RAPGEF5: variants seen among roughly 807,000 people sequenced by gnomAD.
The protein encoded by RAPGEF5 is Rap guanine nucleotide exchange factor 5.
Under a neutral mutation model 125.2 loss-of-function variants are expected in RAPGEF5, and 65 were observed. The ratio of observed to expected loss-of-function variants is 0.52; its 90% CI spans 0.43 to 0.64. The LOEUF is 0.64. Among genes scored for constraint, RAPGEF5 ranks in the 30% least tolerant of loss-of-function variants. The pLI, the probability that RAPGEF5 is intolerant of heterozygous loss-of-function variation, is 0.00. For missense variants in RAPGEF5, 958 were observed against 1,048.1 expected, an observed-to-expected ratio of 0.91 and a Z score of 1.19; for synonymous variants, 391 against 385.9, an observed-to-expected ratio of 1.01 and a Z score of -0.16.
At chr7:22,243,526 G>A (rs1786394485) in intron 7 of RAPGEF5, among the ~76,000 whole-genome samples, 1 of 152,068 alleles carries the variant, frequency 6.6e-6, no homozygotes, top group African/African-American at 2.4e-5. Context: ...AAAGTGCTAG[G>A]ATTACAGGCA....
At chr7:22,168,127 C>T (rs984115476) in intron 11 of RAPGEF5, among the ~76,000 whole-genome samples, 1 of 152,034 alleles carries the variant, frequency 6.6e-6, no homozygotes, top group African/African-American at 2.4e-5. Context: ...ATGCTTATGT[C>T]CTTTGCAACA....
At chr7:22,209,436 T>C (rs1785461823) in intron 9 of RAPGEF5, among the ~76,000 whole-genome samples, 1 of 152,206 alleles carries the variant, frequency 6.6e-6, no homozygotes, top group South Asian at 2.1e-4. Flanking sequence ...CCTACAGTTT[T>C]TACTTACATA....
In RAPGEF5 at chr7:22,238,703, A is replaced by T. The variant is rs60237725; in HGVS notation, c.797-7784T>A. Among the ~76,000 whole-genome samples the T allele has an allele frequency of 3.9e-5, 6 of 152,356 alleles. No individual in the cohort carries two copies. In the East Asian group the frequency reaches 1.2e-3, roughly 29 times the overall value. The stretch of plus-strand genomic sequence containing the variant: ...TTGACAGTTATATGATTCTTCATTT[A>T]AAAAATGAGTTAAATGGGAGCATAT... On this transcript the variant is annotated intron_variant, in intron 7 of 25. Transcript: ENST00000665637.
chr7:22,164,479 C>T (rs1784101208), intron 12 of RAPGEF5, among the ~76,000 whole-genome samples: 2 of 152,046 alleles, frequency 1.3e-5, no homozygotes, highest in African/African-American at 4.8e-5. Flanking sequence ...AAGATATGAA[C>T]TTTGTAGTCA....
chr7:22,333,842 C>A lies in RAPGEF5; in HGVS notation c.232-15805G>T, dbSNP rs144988421. Among the ~76,000 whole-genome samples, 65 of 146,476 alleles carry A rather than the reference C, an allele frequency of 4.4e-4. 1 individual carries two copies. The East Asian group carries it at 0.013, about 30-fold the overall frequency. ...GCTCTTGTGCTGGCACCCAGAGAAA[C>A]AGAGAGAGAACCAGAGCTGTCTGTC... On this transcript the variant is annotated intron_variant, in intron 1 of 25. Transcript: ENST00000665637.
intron 2 of RAPGEF5, among the ~76,000 whole-genome samples, chr7:22,316,289 C>T (rs1332760439): frequency 2.6e-5 from 4 of 151,206 alleles, no homozygotes; most frequent in African/African-American, 9.7e-5. Context: ...TAATATATTA[C>T]TGGGGGTACA....
chr7:22,177,648 C>A (rs1457413363), intron 11 of RAPGEF5, among the ~76,000 whole-genome samples: 1 of 152,248 alleles, frequency 6.6e-6, no homozygotes, highest in Non-Finnish European at 1.5e-5. Context: ...GCTTTACCTA[C>A]ATGGCCTGCG....
intron 7 of RAPGEF5, among the ~76,000 whole-genome samples, chr7:22,231,148 T>G (rs1390127795): frequency 6.6e-6 from 1 of 152,230 alleles, no homozygotes; most frequent in Non-Finnish European, 1.5e-5. Context: ...AATTCAATCT[T>G]AATTCTGTTC....
At chr7:22,282,428 A>G (rs984018435) in intron 6 of RAPGEF5, among the ~76,000 whole-genome samples, 6 of 152,202 alleles carry the variant, frequency 3.9e-5, no homozygotes, top group African/African-American at 1.4e-4. Flanking sequence ...CATTTCATAA[A>G]ATCCTTCAAA....
intron 5 of RAPGEF5, among the ~76,000 whole-genome samples, chr7:22,295,722 A>G (rs189228477): frequency 2.0e-3 from 310 of 152,270 alleles, no homozygotes; most frequent in African/African-American, 6.3e-3. Context: ...TGCCAATACA[A>G]ATCTTATGCC....
At chr7:22,265,219 C>T (rs539330971) in intron 7 of RAPGEF5, among the ~76,000 whole-genome samples, 1 of 151,958 alleles carries the variant, frequency 6.6e-6, no homozygotes, top group Non-Finnish European at 1.5e-5. Context: ...GAATTTACTC[C>T]GTCTAACTAT....
chr7:22,291,064 G>A, intron 6 of RAPGEF5, 111 bp downstream of exon 6: 1 of 1,246,862 alleles, frequency 8.0e-7, no homozygotes, highest in Admixed American at 3.2e-5. Flanking sequence ...CCACAATGAT[G>A]AGCAGCCACA....
intron 8 of RAPGEF5, among the ~76,000 whole-genome samples, chr7:22,225,353 T>C (rs1466270391): frequency 1.3e-5 from 2 of 152,216 alleles, no homozygotes; most frequent in South Asian, 2.1e-4. Context: ...AGAGAAAATA[T>C]TGCTGTTTTG....
rs1442106894 is a variant in RAPGEF5 at position 22,146,750 on chromosome 7, T to C, written c.2007+147A>G. On this transcript the variant is annotated intron_variant, in intron 19 of 25. Coordinates refer to ENST00000665637, the MANE Select transcript of RAPGEF5 (RefSeq NM_012294.5). ...ATATTCTGATTTTTTTAGAATTGAG[T>C]CAGTCTTTCAATATATTTCAAGTCC... The C allele has an allele frequency of 4.8e-6, 5 of 1,032,784 alleles. No individual in the cohort carries two copies. The African/African-American group carries it at 8.1e-5, about 17-fold the overall frequency. The allele number at this position is 1,032,784 out of a possible 1,614,324, so 64.0% of individuals were successfully genotyped here.
intron 11 of RAPGEF5, among the ~76,000 whole-genome samples, chr7:22,175,614 C>T (rs945116404): frequency 3.3e-5 from 5 of 152,182 alleles, no homozygotes; most frequent in African/African-American, 9.7e-5. Context: ...CGGTCCAACT[C>T]GGACCTCTCG....
At chr7:22,338,385 A>AT (rs1167236209) in intron 1 of RAPGEF5, among the ~76,000 whole-genome samples, 1 of 152,222 alleles carries the variant, frequency 6.6e-6, no homozygotes, top group Non-Finnish European at 1.5e-5. Flanking sequence ...TGCACTCCCC[A>AT]AAGTATTTTC....
At chr7:22,149,884 T>G (rs972143757) in intron 18 of RAPGEF5, among the ~76,000 whole-genome samples, 1 of 152,120 alleles carries the variant, frequency 6.6e-6, no homozygotes, top group African/African-American at 2.4e-5. Flanking sequence ...TAGAAAGGGT[T>G]TCACTTAGGC....
chr7:22,320,274 C>T (rs1180233578), intron 1 of RAPGEF5, among the ~76,000 whole-genome samples: 1 of 152,192 alleles, frequency 6.6e-6, no homozygotes, highest in African/African-American at 2.4e-5. Context: ...CTTTGTGGAA[C>T]TCAGTCAAGC....
intron 8 of RAPGEF5, 61 bp downstream of exon 8, chr7:22,230,785 C>G (rs1705604127): frequency 6.9e-6 from 10 of 1,439,180 alleles, no homozygotes; most frequent in Non-Finnish European, 9.5e-6. Context: ...AACACCTGCA[C>G]TGTCTCACCA....
Sources: allele counts gnomAD v4.1 joint callset (sites outside exome capture counted in the v4.1 genomes callset), GRCh38; gene constraint gnomAD v4.1.1; transcripts MANE v1.5; gene names NCBI Gene and HGNC (gene_info 2026-07-23, HGNC 2026-07-21).